STOM: variants seen among roughly 807,000 people sequenced by gnomAD.
STOM encodes stomatin.
STOM carries 25 observed loss-of-function variants against 30.6 expected under a neutral mutation model. The observed-to-expected ratio is 0.82, with a 90% CI of 0.60 to 1.14. The LOEUF is 1.14. STOM is among the 50% of genes most tolerant of loss of function. The pLI is 0.00. For missense variants in STOM, 292 were observed against 365.2 expected (o/e 0.80, Z 1.63); for synonymous variants, 118 against 130.8 (o/e 0.90, Z 0.67).
intron 1 of STOM, among the ~76,000 whole-genome samples, chr9:121,358,752 T>A (rs956111893): frequency 2.0e-5 from 3 of 152,250 alleles, no homozygotes; most frequent in African/African-American, 7.2e-5. Context: ...AATTACTGTC[T>A]TATTTTTTCC....
intron 4 of STOM, among the ~76,000 whole-genome samples, chr9:121,350,102 G>A (rs909052007): frequency 3.9e-5 from 6 of 152,132 alleles, no homozygotes; most frequent in Non-Finnish European, 1.5e-5. Context: ...GGATAATGGT[G>A]GTAACTTTAC....
rs2064367019 is a variant in STOM at position 121,354,490 on chromosome 9, A to G, written c.238+111T>C. 5.0e-6 allele frequency: 4 copies of G among 805,482 alleles called. No homozygotes were observed. The South Asian group carries it at 7.3e-5, about 15-fold the overall frequency. The allele number at this position is 805,482 out of a possible 1,614,324, so 49.9% of individuals were successfully genotyped here. ...AGACATGAGCATGCCACTGTACTCC[A>G]GCCTGGGCGACGGAATGAAACCCTG... On this transcript the variant is annotated intron_variant, in intron 3 of 6. Coordinates refer to ENST00000286713, the MANE Select transcript of STOM (RefSeq NM_004099.6).
At chr9:121,355,046 G>T (rs1013077791) in intron 2 of STOM, among the ~76,000 whole-genome samples, 6 of 151,970 alleles carry the variant, frequency 3.9e-5, no homozygotes, top group Non-Finnish European at 8.8e-5. Flanking sequence ...GATCACGGAG[G>T]TTAGGAGTTC....
At chr9:121,363,280 A>G (rs2064471381) in intron 1 of STOM, among the ~76,000 whole-genome samples, 1 of 152,180 alleles carries the variant, frequency 6.6e-6, no homozygotes, top group Non-Finnish European at 1.5e-5. Flanking sequence ...TAGTCTCAAA[A>G]ACACATGCTA....
At chr9:121,343,914 T>A (rs1330963054) in intron 6 of STOM, among the ~76,000 whole-genome samples, 1 of 152,080 alleles carries the variant, frequency 6.6e-6, no homozygotes, top group Non-Finnish European at 1.5e-5. Flanking sequence ...GTGGAACTGC[T>A]TTAGAGTGGC....
intron 1 of STOM, among the ~76,000 whole-genome samples, chr9:121,364,165 CAG>C (rs1283973505): frequency 6.6e-6 from 1 of 152,216 alleles, no homozygotes; most frequent in Admixed American, 6.5e-5. Context: ...GAGAAAGAGG[CAG>C]AGTTTACCAC....
chr9:121,357,891 A>G (rs2064410981), intron 1 of STOM, among the ~76,000 whole-genome samples: 1 of 149,782 alleles, frequency 6.7e-6, no homozygotes, highest in African/African-American at 2.5e-5. Flanking sequence ...AAGTCAAACC[A>G]TTCTATATGA....
At chr9:121,360,399 C>T (rs1325310118) in intron 1 of STOM, among the ~76,000 whole-genome samples, 3 of 152,028 alleles carry the variant, frequency 2.0e-5, no homozygotes, top group Non-Finnish European at 2.9e-5. Flanking sequence ...CACTGAGATT[C>T]CCTGAGAACG....
At chr9:121,345,469 T>TCTC (rs1360405729) in intron 6 of STOM, among the ~76,000 whole-genome samples, 2 of 152,222 alleles carry the variant, frequency 1.3e-5, no homozygotes, top group African/African-American at 4.8e-5. Flanking sequence ...ATTATTCCAC[T>TCTC]CTATCTCACC....
At position 121,339,728 on chromosome 9, in the gene STOM, T is replaced by C. The variant is rs2064229708; in HGVS notation, c.*1474A>G. ...ACAGACATTTGCAAAACAGAAGATG[T>C]CTCCTAATATTATAGACTAAGAATT... On this transcript the variant is annotated 3_prime_UTR_variant, in exon 7 of 7. Transcript: ENST00000286713. The C allele has an allele frequency of 8.1e-7, 1 of 1,230,036 alleles. No homozygotes were observed. Among genetic ancestry groups the C allele is most frequent in the East Asian group, 3.2e-5 (1 of 31,592 alleles). The allele number at this position is 1,230,036 out of a possible 1,614,324, so 76.2% of individuals were successfully genotyped here. A position where few individuals can be genotyped will look rare whatever the true frequency, so the allele number is the denominator to read the frequency against.
chr9:121,355,248 AAAT>A lies in STOM; in HGVS notation c.166-578_166-576del, dbSNP rs1554830893. 6.3e-3 allele frequency among the ~76,000 whole-genome samples: 822 copies of A among 130,820 alleles called. 19 individuals carry two copies. Among genetic ancestry groups the A allele is most frequent in the Middle Eastern group, 0.012 (3 of 246 alleles). The allele number at this position is 130,820 out of a possible 152,430, so 85.8% of individuals were successfully genotyped here. ...CTCCGTCTCAAAAAAAAAAAAAAAAAAATAATAATAATAATAATAATCCCAGCT... is the reference window on the plus strand; with the variant it reads ...CTCCGTCTCAAAAAAAAAAAAAAAAAAATAATAATAATAATAATCCCAGCT... On this transcript the variant is annotated intron_variant, in intron 2 of 6. Transcript: ENST00000286713.
intron 1 of STOM, chr9:121,366,034 C>A: frequency 3.7e-6 from 3 of 801,168 alleles, no homozygotes; most frequent in Non-Finnish European, 4.5e-6. Context: ...ATACAAATCT[C>A]TTAAGTGATG....
In STOM at chr9:121,341,373, C is replaced by G; in HGVS notation, c.696G>C (p.Arg232Ser). The G allele has an allele frequency of 6.2e-7, 1 of 1,613,638 alleles. No individual in the cohort carries two copies. Among genetic ancestry groups the G allele is most frequent in the Non-Finnish European group, 8.5e-7 (1 of 1,180,012 alleles). The change falls in exon 7 of 7, where the codon AGG becomes AGC. Residue 232 changes from arginine (R) to serine (S), a missense_variant. Physicochemically the swap from Arg to Ser is moderately radical, Grantham distance 110 (BLOSUM62 -1). Transcript: ENST00000286713. The part of the protein sequence containing the change: ...IAAEGEMNAS[R>S]ALKEASMVIT... ...TGACCATGGAGGCTTCTTTCAGAGC[C>G]CTGGATGCATTCATTTCTCCTTCGG...
At position 121,353,279 on chromosome 9, in the gene STOM, T is replaced by C. The variant is rs748238098; in HGVS notation, c.262A>G (p.Thr88Ala). The change falls in exon 4 of 7, where the codon ACT becomes GCT. Residue 88 changes from threonine (T) to alanine (A), a missense_variant. Thr to Ala is a moderately conservative substitution (Grantham distance 58, BLOSUM62 0). Coordinates refer to ENST00000286713, the MANE Select transcript of STOM (RefSeq NM_004099.6). Reference sequence around the variant, plus strand: ...ATGTCCACTTTGATGAAGCTGTCAGTGCATGGCAGAATAAAAAACAAACCT... The same window carrying C: ...ATGTCCACTTTGATGAAGCTGTCAGCGCATGGCAGAATAAAAAACAAACCT... ...GPGLFFILPC[T>A]DSFIKVDMRT... The C allele has an allele frequency of 1.2e-6, 2 of 1,611,310 alleles. No homozygotes were observed. The highest frequency in any genetic ancestry group is 2.2e-5 in the South Asian group (2 of 90,640).
At chr9:121,348,299 G>A in intron 5 of STOM, 150 bp from the exon 6 acceptor site, 3 of 1,111,926 alleles carry the variant, frequency 2.7e-6, no homozygotes, top group Non-Finnish European at 3.8e-6. Context: ...GTGACGCAGG[G>A]GCTGGCTCAC....
At chr9:121,349,471 A>T (rs1267763573) in intron 4 of STOM, 148 bp from the exon 5 acceptor site, 7 of 631,026 alleles carry the variant, frequency 1.1e-5, no homozygotes, top group Non-Finnish European at 1.6e-5. Context: ...TTAAAATTTA[A>T]TAAAATAAAT....
chr9:121,370,073 C>A, intron 1 of STOM, 54 bp downstream of exon 1: 1 of 1,482,260 alleles, frequency 6.7e-7, no homozygotes, highest in Non-Finnish European at 9.1e-7. Flanking sequence ...TCGGAGCGCA[C>A]GCTGCGGGCG....
At chr9:121,344,581 T>G (rs1297225131) in intron 6 of STOM, among the ~76,000 whole-genome samples, 1 of 152,246 alleles carries the variant, frequency 6.6e-6, no homozygotes, top group African/African-American at 2.4e-5. Context: ...AAGCTATTTG[T>G]GGGTGTGCAC....
intron 1 of STOM, among the ~76,000 whole-genome samples, chr9:121,366,984 G>A (rs2064510379): frequency 6.6e-6 from 1 of 151,910 alleles, no homozygotes; most frequent in Admixed American, 6.6e-5. Context: ...CTACTCGAGG[G>A]GCTGAGGTGG....
Sources: allele counts gnomAD v4.1 joint callset (sites outside exome capture counted in the v4.1 genomes callset), GRCh38; gene constraint gnomAD v4.1.1; transcripts MANE v1.5; gene names NCBI Gene and HGNC (gene_info 2026-07-23, HGNC 2026-07-21).